Variants in DGLUCY observed in about 807,000 individuals in gnomAD.
The protein encoded by DGLUCY is D-glutamate cyclase, also known as D-glutamate cyclase, mitochondrial.
DGLUCY carries 58 observed loss-of-function variants against 58.5 expected under a neutral mutation model. The ratio of observed to expected loss-of-function variants is 0.99; its 90% confidence interval spans 0.80 to 1.23. The LOEUF (loss-of-function observed/expected upper bound fraction) is 1.23. DGLUCY is among the 50% of genes most tolerant of loss of function. The pLI, the probability that DGLUCY is intolerant of heterozygous loss-of-function variation, is 0.00. For synonymous variants in DGLUCY, 325 were observed against 314.1 expected, an observed-to-expected ratio of 1.03 and a Z score of -0.37; for missense variants, 779 against 784.7, an observed-to-expected ratio of 0.99 and a Z score of 0.09.
intron 7 of DGLUCY, among the ~76,000 whole-genome samples, chr14:91,179,324 C>A (rs1350150183): frequency 6.6e-6 from 1 of 152,196 alleles, no homozygotes; most frequent in East Asian, 1.9e-4. Context: ...GTGGCTCATG[C>A]CTGTAATCCC....
chr14:91,106,683 GGC>G (rs2044597847), upstream of DGLUCY, among the ~76,000 whole-genome samples: 1 of 148,424 alleles, frequency 6.7e-6, no homozygotes, highest in African/African-American at 2.5e-5. Context: ...CTCCAGCCTG[GGC>G]AACAAAGCGA....
rs535342131 is a variant in DGLUCY at position 91,140,613 on chromosome 14, G to A, written c.-81-17026G>A. On this transcript the variant is annotated intron_variant, in intron 1 of 13. Coordinates refer to ENST00000256324, the MANE Select transcript of DGLUCY (RefSeq NM_001102368.3). ...TTGAACCTGGGAGGCGGAGGTTGGA[G>A]TGAGCCTAGATCACGCCATTGCACT... Among the ~76,000 whole-genome samples, 3 of 152,344 alleles carry A rather than the reference G, an allele frequency of 2.0e-5. No individual in the cohort carries two copies. In the South Asian group the frequency reaches 6.2e-4, roughly 32 times the overall value.
chr14:91,122,936 A>G (rs559966674), intron 1 of DGLUCY, among the ~76,000 whole-genome samples: 16 of 152,234 alleles, frequency 1.1e-4, no homozygotes, highest in Admixed American at 7.2e-4. Context: ...GCTGCATTTC[A>G]TTCAGCAAAG....
At chr14:91,204,351 G>A (rs1055979764) in intron 11 of DGLUCY, among the ~76,000 whole-genome samples, 4 of 152,080 alleles carry the variant, frequency 2.6e-5, no homozygotes, top group African/African-American at 4.8e-5. Context: ...CAGATCCCCC[G>A]GGGGGCTCAG....
chr14:91,079,414 G>A (rs1326742302), intron 1 of DGLUCY, among the ~76,000 whole-genome samples: 1 of 148,644 alleles, frequency 6.7e-6, no homozygotes, highest in Admixed American at 6.7e-5. Flanking sequence ...GAGTGCCGTG[G>A]TGCAGTCTCG....
intron 3 of DGLUCY, among the ~76,000 whole-genome samples, chr14:91,164,417 A>T (rs986207278): frequency 2.0e-5 from 3 of 152,178 alleles, no homozygotes; most frequent in African/African-American, 7.2e-5. Context: ...GTGTCTGCAC[A>T]TTCAAGGGTT....
intron 8 of DGLUCY, among the ~76,000 whole-genome samples, chr14:91,182,545 GC>G (rs1391090178): frequency 2.0e-5 from 3 of 149,978 alleles, no homozygotes; most frequent in South Asian, 4.3e-4. Context: ...TGATTTTCCC[GC>G]CTCGGCCTCC....
chr14:91,207,016 G>T (rs1419436378), intron 12 of DGLUCY, among the ~76,000 whole-genome samples: 4 of 151,914 alleles, frequency 2.6e-5, no homozygotes, highest in Non-Finnish European at 5.9e-5. Context: ...AAATTAGCCA[G>T]GTGTCGTGGT....
intron 12 of DGLUCY, among the ~76,000 whole-genome samples, chr14:91,205,754 C>CTTTTCTTCTTCTTCT (rs1555406030): frequency 6.9e-5 from 9 of 129,830 alleles, no homozygotes; most frequent in African/African-American, 2.7e-4. Flanking sequence ...CCAGGGCATT[C>CTTTTCTTCTTCTTCT]TCTTCTTCTT....
chr14:91,107,155 T>C (rs2044606930), upstream of DGLUCY, among the ~76,000 whole-genome samples: 2 of 152,196 alleles, frequency 1.3e-5, no homozygotes, highest in Non-Finnish European at 2.9e-5. Context: ...GCTGCCTTTC[T>C]AAGTAATCAT....
intron 13 of DGLUCY, among the ~76,000 whole-genome samples, chr14:91,219,238 C>T (rs1344895149): frequency 1.3e-5 from 2 of 151,956 alleles, no homozygotes; most frequent in Non-Finnish European, 2.9e-5. Flanking sequence ...GAAAACAGTG[C>T]TTAGCTCAGC....
At chr14:91,210,325 T>C (rs1885468897) in intron 12 of DGLUCY, among the ~76,000 whole-genome samples, 1 of 152,066 alleles carries the variant, frequency 6.6e-6, no homozygotes. Flanking sequence ...GTATCAGAAA[T>C]GGGCAGATCA....
chr14:91,218,495 C>T (rs760481488), intron 13 of DGLUCY, among the ~76,000 whole-genome samples: 5 of 151,692 alleles, frequency 3.3e-5, no homozygotes, highest in Non-Finnish European at 7.4e-5. Context: ...CTCCGCCTCC[C>T]AGGTTTGAGT....
intron 3 of DGLUCY, among the ~76,000 whole-genome samples, chr14:91,161,082 T>C (rs977709332): frequency 5.9e-5 from 9 of 152,250 alleles, no homozygotes; most frequent in Admixed American, 2.6e-4. Context: ...TTTGTTGTTG[T>C]TGAGACGTAG....
At chr14:91,174,923 G>T (rs567683201) in intron 6 of DGLUCY, among the ~76,000 whole-genome samples, 1 of 152,206 alleles carries the variant, frequency 6.6e-6, no homozygotes, top group South Asian at 2.1e-4. Flanking sequence ...TTGGTCACAG[G>T]AGTCTTCTGT....
intron 1 of DGLUCY, among the ~76,000 whole-genome samples, chr14:91,073,367 G>A (rs1234286015): frequency 6.6e-6 from 1 of 152,138 alleles, no homozygotes; most frequent in Non-Finnish European, 1.5e-5. Context: ...CTTAAACCTG[G>A]GAGGCAGAGG....
At chr14:91,175,017 G>A (rs1213719502) in intron 6 of DGLUCY, among the ~76,000 whole-genome samples, 2 of 152,098 alleles carry the variant, frequency 1.3e-5, no homozygotes, top group South Asian at 2.1e-4. Flanking sequence ...CACCCACTGG[G>A]GATCTTTGAT....
intron 10 of DGLUCY, among the ~76,000 whole-genome samples, chr14:91,199,226 C>T (rs1332504488): frequency 6.6e-6 from 1 of 151,960 alleles, no homozygotes; most frequent in Non-Finnish European, 1.5e-5. Context: ...TAGCCTCTGA[C>T]CCTACTAAAG....
At chr14:91,174,432 A>G (rs191863131) in intron 6 of DGLUCY, among the ~76,000 whole-genome samples, 1 of 152,138 alleles carries the variant, frequency 6.6e-6, no homozygotes, top group Admixed American at 6.5e-5. Context: ...CAGCCTCCCA[A>G]GTAGCTGGGA....
Sources: gnomAD v4.1 joint callset for allele counts (sites outside exome capture counted in the v4.1 genomes callset) on GRCh38, gnomAD v4.1.1 for gene constraint, MANE v1.5 for transcripts, NCBI Gene and HGNC (gene_info 2026-07-23, HGNC 2026-07-21) for gene names.